The following ZNF560 variants were observed in gnomAD, a reference collection of about 807,000 sequenced individuals.
The protein encoded by ZNF560 is zinc finger protein 560.
ZNF560 carries 54 observed loss-of-function variants against 81.8 expected under a neutral mutation model. The ratio of observed to expected loss-of-function variants is 0.66; its 90% CI spans 0.53 to 0.83. The LOEUF (loss-of-function observed/expected upper bound fraction) is 0.83, where lower values mean the gene tolerates loss of function less well. ZNF560 is among the 40% of genes least tolerant of loss of function. ZNF560 has a pLI of 0.00. For missense variants in ZNF560, 940 were observed against 932.4 expected (o/e 1.01, Z -0.11); for synonymous variants, 321 against 317.9 (o/e 1.01, Z -0.10).
chr19:9,454,107 A>T, the ZNF560 span, among the ~76,000 whole-genome samples: 1 of 152,246 alleles, frequency 6.6e-6, no homozygotes, highest in Non-Finnish European at 1.5e-5. Context: ...AAACAATGGC[A>T]TGAGCAATCT....
chr19:9,466,698 C>G lies in ZNF560; in HGVS notation c.2249G>C (p.Arg750Pro), dbSNP rs369977723. Residue 750 changes from arginine (R) to proline (P), a missense_variant, in exon 10 of 10, where the codon CGT (arginine) becomes CCT (proline). Arg to Pro is a moderately radical substitution (Grantham distance 103). Coordinates refer to ENST00000301480, the MANE Select transcript of ZNF560 (RefSeq NM_152476.3). ...YKCKECGKAF[R>P]TSSGRIQHLR... ...ATGTTGAATACGTCCTGAGGATGTA[C>G]GGAAGGCCTTCCCACATTCCTTACA... 1.9e-6 allele frequency: 3 copies of G among 1,613,998 alleles called. No homozygotes were observed. The highest frequency in any genetic ancestry group is 2.5e-6 in the Non-Finnish European group (3 of 1,179,952).
the ZNF560 span, among the ~76,000 whole-genome samples, chr19:9,506,308 C>T: frequency 2.0e-5 from 3 of 151,852 alleles, no homozygotes; most frequent in East Asian, 5.8e-4. Flanking sequence ...TTTAACAGCC[C>T]TCATAAGGAT....
At chr19:9,482,932 C>T (rs541691523) in intron 2 of ZNF560, among the ~76,000 whole-genome samples, 14 of 152,284 alleles carry the variant, frequency 9.2e-5, no homozygotes, top group Admixed American at 3.3e-4. Context: ...CCCGAGGTGC[C>T]GGGATTGCAG....
At position 9,473,109 on chromosome 19, in the gene ZNF560, A is replaced by T. The variant is rs1472715552; in HGVS notation, c.238+70T>A. On this transcript the variant is annotated intron_variant, in intron 5 of 9. Transcript: ENST00000301480. Reference sequence around the variant, plus strand: ...AGGTATTTCTTTCTTGCAACACAAGAACAGACTAACACAGCTTCTAAACAT... The same window carrying T: ...AGGTATTTCTTTCTTGCAACACAAGTACAGACTAACACAGCTTCTAAACAT... 6.4e-6 allele frequency: 8 copies of T among 1,256,232 alleles called. No individual in the cohort carries two copies. In the Admixed American group the frequency reaches 1.4e-4, roughly 21 times the overall value. The allele number at this position is 1,256,232 out of a possible 1,614,324, so 77.8% of individuals were successfully genotyped here.
At chr19:9,456,441 G>A in the ZNF560 span, among the ~76,000 whole-genome samples, 65 of 152,252 alleles carry the variant, frequency 4.3e-4, no homozygotes, top group South Asian at 6.2e-4. Flanking sequence ...TGATTTTACC[G>A]TATGTGGGAC....
At chr19:9,453,494 T>C in the ZNF560 span, among the ~76,000 whole-genome samples, 19 of 152,254 alleles carry the variant, frequency 1.2e-4, no homozygotes, top group African/African-American at 4.1e-4. Flanking sequence ...AAAAGGGGTA[T>C]GCAAAAGGTA....
chr19:9,466,794 C>G lies in ZNF560; in HGVS notation c.2153G>C (p.Gly718Ala). ...KIKPYKCKDCGKAFTCHSDLT... is the reference protein window; with the variant it reads ...KIKPYKCKDCAKAFTCHSDLT... Reference sequence around the variant, plus strand: ...ATCTGAATGACAAGTGAAGGCTTTCCCACAGTCCTTACATTTATAGGGTTT... The same window carrying G: ...ATCTGAATGACAAGTGAAGGCTTTCGCACAGTCCTTACATTTATAGGGTTT... Residue 718 changes from glycine to alanine, a missense_variant, in exon 10 of 10, where the codon GGG becomes GCG. Physicochemically the swap from Gly to Ala is moderately conservative, Grantham distance 60 (BLOSUM62 0). Transcript: ENST00000301480. 4.3e-6 allele frequency: 7 copies of G among 1,614,112 alleles called. No homozygotes were observed. Among genetic ancestry groups the G allele is most frequent in the Non-Finnish European group, 5.1e-6 (6 of 1,180,008 alleles).
At chr19:9,484,998 G>A (rs550191675) in intron 2 of ZNF560, among the ~76,000 whole-genome samples, 64 of 152,270 alleles carry the variant, frequency 4.2e-4, no homozygotes, top group African/African-American at 1.5e-3. Flanking sequence ...TAGCAGAGAT[G>A]TACAAATTTC....
chr19:9,471,272 A>C (rs772493272), intron 6 of ZNF560, 24 bp downstream of exon 6: 1 of 1,528,910 alleles, frequency 6.5e-7, no homozygotes, highest in Non-Finnish European at 8.8e-7. Flanking sequence ...GTGAAAAATA[A>C]GAAATACCCT....
intron 2 of ZNF560, among the ~76,000 whole-genome samples, chr19:9,482,715 C>T (rs946199647): frequency 3.3e-5 from 5 of 150,824 alleles, no homozygotes; most frequent in East Asian, 2.0e-4. Flanking sequence ...GATGCCGAGC[C>T]GAAGCTGGAC....
At chr19:9,474,059 G>C in intron 4 of ZNF560, 140 bp downstream of exon 4, 1 of 935,490 alleles carries the variant, frequency 1.1e-6, no homozygotes, top group South Asian at 1.4e-5. Context: ...CTTTGAAAAC[G>C]ACCACAGTAA....
At chr19:9,448,635 A>G in the ZNF560 span, among the ~76,000 whole-genome samples, 5 of 152,146 alleles carry the variant, frequency 3.3e-5, no homozygotes, top group Admixed American at 3.3e-4. Context: ...AAGCAAAAAC[A>G]AAATAGAAAC....
chr19:9,488,625 A>C (rs990283445), intron 2 of ZNF560, among the ~76,000 whole-genome samples: 1 of 149,654 alleles, frequency 6.7e-6, no homozygotes, highest in Non-Finnish European at 1.5e-5. Flanking sequence ...CAACAAAAAA[A>C]TTCCAACTCT....
At chr19:9,478,236 G>A (rs1024866240) in intron 2 of ZNF560, among the ~76,000 whole-genome samples, 3 of 152,122 alleles carry the variant, frequency 2.0e-5, no homozygotes, top group African/African-American at 7.2e-5. Flanking sequence ...AGAATGGGAT[G>A]ACATATATAA....
At chr19:9,485,805 G>A (rs1237050372) in intron 2 of ZNF560, among the ~76,000 whole-genome samples, 2 of 152,060 alleles carry the variant, frequency 1.3e-5, no homozygotes, top group Admixed American at 6.5e-5. Context: ...CAAAGTACTG[G>A]GATTACAGGC....
chr19:9,505,745 A>G, the ZNF560 span, among the ~76,000 whole-genome samples: 453 of 152,128 alleles, frequency 3.0e-3, 4 homozygotes, highest in African/African-American at 0.01. Flanking sequence ...CAGTGGCACA[A>G]TCTTGCCTCC....
rs763505290 is a variant in ZNF560, at chr19:9,466,849, G to GA, written c.2097dup (p.His700SerfsTer2). On this transcript the variant is annotated frameshift_variant, in exon 10 of 10. Coordinates refer to ENST00000301480, the MANE Select transcript of ZNF560 (RefSeq NM_152476.3). LOFTEE classifies it high-confidence loss of function. ...TTGGTGAGAGTTTTTAAGCGATCAT[G>GA]AAAGCACATGGAATTTCGAAAGGAA... 7.4e-6 allele frequency: 12 copies of GA among 1,613,460 alleles called. No homozygotes were observed. The highest frequency in any genetic ancestry group is 1.7e-5 in the Admixed American group (1 of 59,958).
rs1209136132 is a variant in ZNF560 at position 9,466,837 on chromosome 19, T to C, written c.2110A>G (p.Lys704Glu). 2 of 1,613,872 alleles carry C rather than the reference T, an allele frequency of 1.2e-6. No homozygotes were observed. The highest frequency in any genetic ancestry group is 2.2e-5 in the East Asian group (1 of 44,818). ...RNSMCFHDRL[K>E]TLTKIKPYKC... ...TAGGGTTTTATTTTGGTGAGAGTTT[T>C]TAAGCGATCATGAAAGCACATGGAA... The change falls in exon 10 of 10, where the codon AAA becomes GAA. Residue 704 changes from lysine (K) to glutamate (E), a missense_variant. By Grantham distance (56) the Lys-to-Glu change is moderately conservative (BLOSUM62 1). Transcript: ENST00000301480.
chr19:9,481,288 C>G (rs2073285723), intron 2 of ZNF560, among the ~76,000 whole-genome samples: 1 of 152,160 alleles, frequency 6.6e-6, no homozygotes, highest in South Asian at 2.1e-4. Context: ...GGATTAAAGA[C>G]TTAAATGTTA....
Sources: allele counts gnomAD v4.1 joint callset (sites outside exome capture counted in the v4.1 genomes callset), GRCh38; gene constraint gnomAD v4.1.1; transcripts MANE v1.5; gene names NCBI Gene and HGNC (gene_info 2026-07-23, HGNC 2026-07-21).